Variants in ZFAND3 observed in about 807,000 individuals in gnomAD.
The protein encoded by ZFAND3 is AN1-type zinc finger protein 3.
In ZFAND3, 10 loss-of-function variants were observed where a neutral mutation model predicts 29.6. That is an observed-to-expected ratio of 0.34 (90% CI 0.21 to 0.57). The LOEUF (loss-of-function observed/expected upper bound fraction) is 0.57, where lower values mean the gene tolerates loss of function less well. ZFAND3 is among the 20% of genes least tolerant of loss of function. ZFAND3 has a pLI of 0.86. For missense variants in ZFAND3, 230 were observed against 304.5 expected (o/e 0.76, Z 1.82); for synonymous variants, 128 against 112.6 (o/e 1.14, Z -0.87).
At chr6:38,011,714 G>A (rs1763155880) in intron 2 of ZFAND3, among the ~76,000 whole-genome samples, 1 of 152,062 alleles carries the variant, frequency 6.6e-6, no homozygotes, top group Non-Finnish European at 1.5e-5. Context: ...ACAATCAGTA[G>A]CACAATTAAT....
rs537389384 is a variant in ZFAND3 at position 37,921,684 on chromosome 6, T to C, written c.72-8275T>C. 7.9e-5 allele frequency among the ~76,000 whole-genome samples: 12 copies of C among 151,706 alleles called. No homozygotes were observed. The South Asian group carries it at 2.3e-3, about 29-fold the overall frequency. ...TTAAAACATTGATATCCTTCAAAAT[T>C]GAAAAAAAAATTTAGAAGAAACATT... On this transcript the variant is annotated intron_variant, in intron 1 of 5. Transcript: ENST00000287218.
chr6:38,123,356 G>A lies in ZFAND3; in HGVS notation c.529+6617G>A, dbSNP rs189111313. On this transcript the variant is annotated intron_variant, in intron 5 of 5. Coordinates refer to ENST00000287218, the MANE Select transcript of ZFAND3 (RefSeq NM_021943.3). ...TCACCAGCATCAGAAATCAGCCCACGTGTCTGTGCCTTAATTTTAATTCTT... is the reference window on the plus strand; with the variant it reads ...TCACCAGCATCAGAAATCAGCCCACATGTCTGTGCCTTAATTTTAATTCTT... Among the ~76,000 whole-genome samples the A allele has an allele frequency of 4.6e-5, 7 of 152,322 alleles. No homozygotes were observed. In the East Asian group the frequency reaches 1.2e-3, roughly 25 times the overall value.
intron 1 of ZFAND3, among the ~76,000 whole-genome samples, chr6:37,854,055 G>A (rs769428774): frequency 6.6e-6 from 1 of 152,036 alleles, no homozygotes; most frequent in Non-Finnish European, 1.5e-5. Flanking sequence ...GGGTTCAAGC[G>A]ATTCTCCTGC....
intron 2 of ZFAND3, among the ~76,000 whole-genome samples, chr6:38,036,598 G>A (rs754373482): frequency 1.3e-5 from 2 of 152,062 alleles, no homozygotes; most frequent in Non-Finnish European, 2.9e-5. Context: ...CAAAATTAAT[G>A]TAATTATAAG....
intron 2 of ZFAND3, among the ~76,000 whole-genome samples, chr6:38,049,811 A>C (rs1051614599): frequency 1.3e-5 from 2 of 151,942 alleles, no homozygotes; most frequent in Non-Finnish European, 2.9e-5. Flanking sequence ...AATATATCTT[A>C]GAAGTTTGAA....
At chr6:38,073,085 G>C (rs1561989104) in intron 3 of ZFAND3, among the ~76,000 whole-genome samples, 1 of 152,118 alleles carries the variant, frequency 6.6e-6, no homozygotes, top group East Asian at 1.9e-4. Context: ...TCCAGCTGTG[G>C]TACAGCTAGC....
intron 2 of ZFAND3, among the ~76,000 whole-genome samples, chr6:38,034,712 T>G (rs1763625765): frequency 6.6e-6 from 1 of 152,182 alleles, no homozygotes; most frequent in Non-Finnish European, 1.5e-5. Context: ...CTAGGCATTT[T>G]AAAAAGTTGA....
chr6:38,139,492 A>C (rs992932881), intron 5 of ZFAND3, among the ~76,000 whole-genome samples: 3 of 152,200 alleles, frequency 2.0e-5, no homozygotes, highest in Admixed American at 2.0e-4. Context: ...CTGAGGGTCC[A>C]GGAAGATCTT....
intron 2 of ZFAND3, among the ~76,000 whole-genome samples, chr6:38,054,939 A>G (rs1764105329): frequency 6.6e-6 from 1 of 152,116 alleles, no homozygotes; most frequent in African/African-American, 2.4e-5. Flanking sequence ...TTAAAATAAG[A>G]TATTTAAGTT....
intron 3 of ZFAND3, among the ~76,000 whole-genome samples, chr6:38,070,157 G>C (rs1362869256): frequency 2.0e-5 from 3 of 152,136 alleles, no homozygotes; most frequent in Admixed American, 2.0e-4. Flanking sequence ...GGGTGCTGTG[G>C]CTTGCGCCTG....
intron 1 of ZFAND3, among the ~76,000 whole-genome samples, chr6:37,922,495 G>A (rs891863520): frequency 6.6e-6 from 1 of 152,156 alleles, no homozygotes; most frequent in African/African-American, 2.4e-5. Flanking sequence ...TGAAATTTTT[G>A]TATATACACA....
chr6:37,987,464 AGAT>A (rs1762690223), intron 2 of ZFAND3, among the ~76,000 whole-genome samples: 1 of 152,238 alleles, frequency 6.6e-6, no homozygotes. Flanking sequence ...ATTCTGATAA[AGAT>A]GATGATACCT....
At chr6:38,130,693 A>G (rs1022259110) in intron 5 of ZFAND3, among the ~76,000 whole-genome samples, 3 of 152,100 alleles carry the variant, frequency 2.0e-5, no homozygotes, top group African/African-American at 7.2e-5. Context: ...TCTTTTTGAT[A>G]TGTTGTTGGA....
At chr6:37,902,629 G>A (rs1423398937) in intron 1 of ZFAND3, among the ~76,000 whole-genome samples, 1 of 151,796 alleles carries the variant, frequency 6.6e-6, no homozygotes. Flanking sequence ...GTTTCCAATA[G>A]CTGTAATCAT....
intron 5 of ZFAND3, among the ~76,000 whole-genome samples, chr6:38,121,432 A>C (rs12663207): frequency 6.6e-6 from 1 of 152,212 alleles, no homozygotes; most frequent in South Asian, 2.1e-4. Context: ...AGGGAGCATC[A>C]CAATTTACCT....
intron 1 of ZFAND3, among the ~76,000 whole-genome samples, chr6:37,883,563 G>A (rs1246635357): frequency 7.8e-6 from 1 of 127,416 alleles, no homozygotes; most frequent in Non-Finnish European, 1.6e-5. Flanking sequence ...TTTTTTTTGA[G>A]ACGGAGTCTC....
intron 2 of ZFAND3, among the ~76,000 whole-genome samples, chr6:38,025,772 G>A (rs903311650): frequency 6.6e-6 from 1 of 152,186 alleles, no homozygotes; most frequent in Non-Finnish European, 1.5e-5. Flanking sequence ...AGTCATGAAA[G>A]ACTGTATGTT....
chr6:37,878,744 T>C (rs562288264), intron 1 of ZFAND3, among the ~76,000 whole-genome samples: 7 of 152,344 alleles, frequency 4.6e-5, no homozygotes, highest in African/African-American at 1.2e-4. Context: ...GGATTTGTCC[T>C]AGCCTAGTCT....
At chr6:37,959,196 G>C (rs753541000) in intron 2 of ZFAND3, among the ~76,000 whole-genome samples, 5 of 152,226 alleles carry the variant, frequency 3.3e-5, no homozygotes, top group Admixed American at 1.3e-4. Context: ...ATGCAGCATA[G>C]CCTAACACAA....
Sources: allele counts gnomAD v4.1 joint callset (sites outside exome capture counted in the v4.1 genomes callset), GRCh38; gene constraint gnomAD v4.1.1; transcripts MANE v1.5; gene names NCBI Gene and HGNC (gene_info 2026-07-23, HGNC 2026-07-21).